Variants in ZFHX3 observed in about 807,000 individuals in gnomAD.
ZFHX3 encodes the protein zinc finger homeobox protein 3.
In ZFHX3, 42 loss-of-function variants were observed where a neutral mutation model predicts 279.1. The ratio of observed to expected loss-of-function variants is 0.15; its 90% CI spans 0.12 to 0.19. ZFHX3 has a LOEUF of 0.19. ZFHX3 is among the 10% of genes least tolerant of loss of function. The pLI is 1.00. For missense variants in ZFHX3, 4,981 were observed against 4,754.0 expected, an observed-to-expected ratio of 1.05 and a Z score of -1.40; for synonymous variants, 2,293 against 1,957.8, an observed-to-expected ratio of 1.17 and a Z score of -4.52.
intron 3 of ZFHX3, among the ~76,000 whole-genome samples, chr16:72,890,838 G>T (rs1458724274): frequency 1.3e-5 from 2 of 152,250 alleles, no homozygotes; most frequent in African/African-American, 2.4e-5. Flanking sequence ...ACTGTCTATG[G>T]ATGTTTTTGA....
intron 2 of ZFHX3, among the ~76,000 whole-genome samples, chr16:73,657,750 AG>A (rs1371310028): frequency 2.0e-5 from 3 of 152,160 alleles, no homozygotes; most frequent in African/African-American, 7.2e-5. Flanking sequence ...TAAGGTTTCG[AG>A]ATTCATCCAT....
intron 7 of ZFHX3, among the ~76,000 whole-genome samples, chr16:72,801,163 T>G (rs568916397): frequency 1.3e-5 from 2 of 152,218 alleles, no homozygotes; most frequent in African/African-American, 4.8e-5. Context: ...AGAAACCACC[T>G]CCCATTTGAT....
At chr16:73,310,098 A>G (rs771040701) in intron 4 of ZFHX3, among the ~76,000 whole-genome samples, 6 of 151,922 alleles carry the variant, frequency 3.9e-5, no homozygotes, top group Non-Finnish European at 8.8e-5. Flanking sequence ...TAGTAGAGAC[A>G]GGGTTTCACC....
chr16:73,262,800 C>G (rs954605399), intron 4 of ZFHX3, among the ~76,000 whole-genome samples: 2 of 152,180 alleles, frequency 1.3e-5, no homozygotes, highest in Non-Finnish European at 2.9e-5. Flanking sequence ...CTGCTCCTCT[C>G]ACTCTTGGAA....
chr16:73,770,513 T>A (rs1885956961), intron 1 of ZFHX3, among the ~76,000 whole-genome samples: 2 of 152,226 alleles, frequency 1.3e-5, no homozygotes, highest in African/African-American at 4.8e-5. Context: ...GGATGGTCAG[T>A]TATGTGTTAA....
chr16:73,506,984 T>A (rs2019338124), intron 2 of ZFHX3, among the ~76,000 whole-genome samples: 1 of 152,172 alleles, frequency 6.6e-6, no homozygotes, highest in Non-Finnish European at 1.5e-5. Context: ...ACCCTTCTCA[T>A]CTGGTCTCTT....
At chr16:73,037,522 A>G (rs1284464275) in intron 1 of ZFHX3, among the ~76,000 whole-genome samples, 1 of 152,116 alleles carries the variant, frequency 6.6e-6, no homozygotes, top group Admixed American at 6.5e-5. Flanking sequence ...GAAAAAGCTG[A>G]CCTCAGAGAT....
intron 2 of ZFHX3, among the ~76,000 whole-genome samples, chr16:73,522,327 T>C (rs1356399120): frequency 1.3e-5 from 2 of 152,230 alleles, no homozygotes; most frequent in Non-Finnish European, 2.9e-5. Flanking sequence ...TGAAATACGT[T>C]CTGGTCTTCT....
At chr16:73,136,755 T>C (rs1295758191) in intron 6 of ZFHX3, among the ~76,000 whole-genome samples, 2 of 128,748 alleles carry the variant, frequency 1.6e-5, no homozygotes, top group Non-Finnish European at 3.3e-5. Context: ...AAAAAAGTAA[T>C]GGCCAAAACT....
chr16:73,579,736 T>C (rs1229621102), intron 2 of ZFHX3, among the ~76,000 whole-genome samples: 1 of 149,904 alleles, frequency 6.7e-6, no homozygotes, highest in Non-Finnish European at 1.5e-5. Flanking sequence ...TCTCCTGACC[T>C]CGTGATCCAC....
chr16:73,495,876 A>C (rs1031084528), intron 2 of ZFHX3, among the ~76,000 whole-genome samples: 7 of 152,128 alleles, frequency 4.6e-5, no homozygotes, highest in African/African-American at 1.7e-4. Flanking sequence ...GGTCACATGA[A>C]TTTTTATTTC....
At chr16:73,227,622 G>A (rs1047238779) in intron 5 of ZFHX3, among the ~76,000 whole-genome samples, 6 of 152,042 alleles carry the variant, frequency 3.9e-5, no homozygotes, top group Non-Finnish European at 8.8e-5. Context: ...GTCGAGGCAG[G>A]TGGATTGATT....
chr16:72,816,772 C>G (rs181680138), intron 5 of ZFHX3, among the ~76,000 whole-genome samples: 1 of 152,200 alleles, frequency 6.6e-6, no homozygotes, highest in Non-Finnish European at 1.5e-5. Context: ...ATTTTATCCT[C>G]TTAGGCTCCT....
chr16:72,845,656 G>A (rs2037459933), intron 4 of ZFHX3, among the ~76,000 whole-genome samples: 3 of 152,130 alleles, frequency 2.0e-5, no homozygotes, highest in Admixed American at 6.5e-5. Flanking sequence ...AAGCATCTGT[G>A]ACCCAGACCA....
At chr16:73,104,970 C>G (rs1234645519) in intron 7 of ZFHX3, among the ~76,000 whole-genome samples, 2 of 152,130 alleles carry the variant, frequency 1.3e-5, no homozygotes. Context: ...CTGGACCATT[C>G]TGAGAAGAAG....
intron 3 of ZFHX3, among the ~76,000 whole-genome samples, chr16:73,444,164 C>T (rs971634873): frequency 3.3e-5 from 5 of 152,180 alleles, no homozygotes; most frequent in African/African-American, 1.2e-4. Context: ...CAAAATACTC[C>T]TACATTTTAA....
At chr16:72,962,940 AGG>A (rs956231997) in intron 1 of ZFHX3, among the ~76,000 whole-genome samples, 4 of 152,018 alleles carry the variant, frequency 2.6e-5, no homozygotes, top group Non-Finnish European at 5.9e-5. Flanking sequence ...CTGTGGCTCA[AGG>A]GTCTCAGGGC....
intron 3 of ZFHX3, among the ~76,000 whole-genome samples, chr16:73,415,695 C>T (rs574855863): frequency 1.3e-3 from 204 of 152,322 alleles, no homozygotes; most frequent in Non-Finnish European, 2.5e-3. Flanking sequence ...GTCCCGTCAC[C>T]GCCCCATGTT....
intron 3 of ZFHX3, among the ~76,000 whole-genome samples, chr16:73,408,570 C>T (rs1475229274): frequency 6.6e-6 from 1 of 152,128 alleles, no homozygotes; most frequent in East Asian, 1.9e-4. Context: ...CTGGAAGCCT[C>T]TGGGCTGGGA....
Sources: gnomAD v4.1 joint callset for allele counts (sites outside exome capture counted in the v4.1 genomes callset) on GRCh38, gnomAD v4.1.1 for gene constraint, MANE v1.5 for transcripts, NCBI Gene and HGNC (gene_info 2026-07-23, HGNC 2026-07-21) for gene names.